Variants in TNPO3 observed in about 807,000 individuals in gnomAD.
The protein encoded by TNPO3 is transportin-3.
A neutral mutation model predicts 122.8 loss-of-function variants in TNPO3; 65 were observed. The observed-to-expected ratio is 0.53, with a 90% CI of 0.43 to 0.65. The LOEUF is 0.65. Among genes scored for constraint, TNPO3 ranks in the 30% least tolerant of loss-of-function variants. The probability of loss-of-function intolerance (pLI) is 0.00; values close to 1 mark genes in which losing one functional copy is unlikely to be tolerated. For missense variants in TNPO3, 850 were observed against 1,136.7 expected (o/e 0.75, Z 3.63); for synonymous variants, 372 against 411.2 (o/e 0.90, Z 1.15).
chr7:129,039,259 G>A (rs370653667), intron 1 of TNPO3, among the ~76,000 whole-genome samples: 2 of 152,216 alleles, frequency 1.3e-5, no homozygotes, highest in East Asian at 3.9e-4. Flanking sequence ...TTCCTTGAAA[G>A]GTTAAAAATA....
Position 128,982,252 on chromosome 7 carries a change from A to G in TNPO3, c.1855T>C (p.Phe619Leu), listed in dbSNP as rs1799698104. The G allele has an allele frequency of 6.2e-7, 1 of 1,612,698 alleles. No homozygotes were observed. The highest frequency in any genetic ancestry group is 8.5e-7 in the Non-Finnish European group (1 of 1,179,080). The part of the protein sequence containing the change: ...TVFLDRLAVI[F>L]RHTNPIVENG... ...ATCCAGAGTCTCCTTTCTTACCTAAATATCACTGCAAGGCGATCTAAGAAC... is the reference window on the plus strand; with the variant it reads ...ATCCAGAGTCTCCTTTCTTACCTAAGTATCACTGCAAGGCGATCTAAGAAC... The change falls in exon 14 of 23, where the codon TTT (phenylalanine) becomes CTT (leucine). Residue 619 changes from phenylalanine to leucine, a missense_variant. Transcript: ENST00000265388.
intron 18 of TNPO3, 51 bp downstream of exon 18, chr7:128,974,816 TA>T (rs1798892823): frequency 7.0e-7 from 1 of 1,422,520 alleles, no homozygotes; most frequent in Non-Finnish European, 9.9e-7. Flanking sequence ...ATGGCAAGAC[TA>T]AGCAGTGATA....
chr7:128,959,165 A>G (rs1485089298), intron 21 of TNPO3, among the ~76,000 whole-genome samples: 1 of 152,230 alleles, frequency 6.6e-6, no homozygotes, highest in Non-Finnish European at 1.5e-5. Flanking sequence ...ATGTGAGCCC[A>G]TATCACTCAT....
chr7:129,018,160 GA>G lies in TNPO3; in HGVS notation c.121-4del. ...TCTGAGATCTCCCATGCATGAACCTGAAAGCGTATTAGACAAAGATGTCTTA... is the reference window on the plus strand; with the variant it reads ...TCTGAGATCTCCCATGCATGAACCTGAAGCGTATTAGACAAAGATGTCTTA... On this transcript the variant is annotated splice_region_variant and splice_polypyrimidine_tract_variant and intron_variant, in intron 1 of 22. Coordinates refer to ENST00000265388, the MANE Select transcript of TNPO3 (RefSeq NM_012470.4). The G allele has an allele frequency of 4.3e-6, 7 of 1,613,966 alleles. No homozygotes were observed. Among genetic ancestry groups the G allele is most frequent in the Non-Finnish European group, 5.9e-6 (7 of 1,179,952 alleles).
At chr7:129,047,175 C>T (rs542107282) in intron 1 of TNPO3, among the ~76,000 whole-genome samples, 2 of 152,300 alleles carry the variant, frequency 1.3e-5, no homozygotes, top group South Asian at 4.1e-4. Context: ...TATTCAGTTT[C>T]CATACTGAAC....
At chr7:129,027,641 C>T (rs73463091) in intron 1 of TNPO3, among the ~76,000 whole-genome samples, 28 of 112,430 alleles carry the variant, frequency 2.5e-4, no homozygotes, top group African/African-American at 9.5e-4. Flanking sequence ...TTTTTAAAGA[C>T]ACCAAAGCTA....
chr7:129,046,753 T>C (rs1808100005), intron 1 of TNPO3, among the ~76,000 whole-genome samples: 1 of 152,182 alleles, frequency 6.6e-6, no homozygotes, highest in Non-Finnish European at 1.5e-5. Flanking sequence ...TTCACAATTA[T>C]GGCGGAAGAC....
At chr7:128,979,194 G>C in intron 15 of TNPO3, 71 bp from the exon 16 acceptor site, 1 of 1,575,372 alleles carries the variant, frequency 6.3e-7, no homozygotes, top group Non-Finnish European at 8.7e-7. Flanking sequence ...TGCTAAGTTG[G>C]TAACACCTCA....
At chr7:128,969,622 TTAA>T (rs1798260301) in intron 20 of TNPO3, among the ~76,000 whole-genome samples, 1 of 152,154 alleles carries the variant, frequency 6.6e-6, no homozygotes, top group Non-Finnish European at 1.5e-5. Context: ...TTAGATAGCT[TTAA>T]AAAAACAACT....
chr7:129,037,391 G>A (rs571369543), intron 1 of TNPO3, among the ~76,000 whole-genome samples: 2 of 152,258 alleles, frequency 1.3e-5, no homozygotes, highest in Admixed American at 6.5e-5. Context: ...GCTCATCTAC[G>A]ACAGGACAGA....
At chr7:128,984,728 T>C (rs1799973063) in intron 12 of TNPO3, among the ~76,000 whole-genome samples, 1 of 152,254 alleles carries the variant, frequency 6.6e-6, no homozygotes, top group Non-Finnish European at 1.5e-5. Flanking sequence ...TAACACTCTC[T>C]GTGAGGTTAT....
intron 16 of TNPO3, 59 bp from the exon 17 acceptor site, chr7:128,975,994 G>A: frequency 1.7e-6 from 2 of 1,193,342 alleles, no homozygotes; most frequent in South Asian, 1.2e-5. Flanking sequence ...ACCAACTTAC[G>A]AAGCTGTCTC....
At chr7:129,008,308 G>A (rs1426633419) in intron 4 of TNPO3, among the ~76,000 whole-genome samples, 1 of 151,938 alleles carries the variant, frequency 6.6e-6, no homozygotes, top group Non-Finnish European at 1.5e-5. Flanking sequence ...CTTGAGCCCA[G>A]GAGTTCTAGA....
chr7:128,970,415 T>C (rs1798343583), intron 19 of TNPO3, 100 bp from the exon 20 acceptor site: 4 of 905,580 alleles, frequency 4.4e-6, no homozygotes, highest in East Asian at 3.0e-5. Flanking sequence ...AATAGGAAAG[T>C]GTGTGTGTGT....
chr7:128,995,486 A>G (rs1801209764), intron 8 of TNPO3, among the ~76,000 whole-genome samples: 1 of 152,250 alleles, frequency 6.6e-6, no homozygotes, highest in Non-Finnish European at 1.5e-5. Context: ...AACGATGGCT[A>G]TCTCAGATGA....
rs754874514 is a variant in TNPO3 at position 128,993,864 on chromosome 7, T to C, written c.1209A>G (p.Val403=). 7.4e-6 allele frequency: 12 copies of C among 1,614,040 alleles called. No homozygotes were observed. Among genetic ancestry groups the C allele is most frequent in the Middle Eastern group, 3.3e-4 (2 of 6,084 alleles). Residue 403 remains valine (V), a synonymous_variant, in exon 9 of 23, where the codon GTA becomes GTG. Coordinates refer to ENST00000265388, the MANE Select transcript of TNPO3 (RefSeq NM_012470.4). ...TDDFGEFRMR[V]SDLVKDLIFL... ...AAATCAAGTCCTTTACCAGGTCTGATACCCTCATGCGAAACTCCCCAAAGT... is the reference window on the plus strand; with the variant it reads ...AAATCAAGTCCTTTACCAGGTCTGACACCCTCATGCGAAACTCCCCAAAGT...
intron 4 of TNPO3, among the ~76,000 whole-genome samples, chr7:129,009,021 T>C (rs1425784696): frequency 6.6e-6 from 1 of 152,222 alleles, no homozygotes; most frequent in Non-Finnish European, 1.5e-5. Context: ...CTAACAGTTA[T>C]CTTCTGTTCC....
rs367600317 is a variant in TNPO3 at position 128,975,939 on chromosome 7, T to C, written c.2062-4A>G. The C allele has an allele frequency of 1.2e-5, 19 of 1,601,120 alleles. No individual in the cohort carries two copies. The highest frequency in any genetic ancestry group is 1.6e-5 in the Non-Finnish European group (19 of 1,168,670). ...GTACGTGGTACACATTCACCATCTG[T>C]TGAGGGAAAAAACAATTAGTTCAAT... On this transcript the variant is annotated splice_polypyrimidine_tract_variant and splice_region_variant and intron_variant, in intron 16 of 22. Coordinates refer to ENST00000265388, the MANE Select transcript of TNPO3 (RefSeq NM_012470.4).
intron 19 of TNPO3, 103 bp from the exon 20 acceptor site, chr7:128,970,418 G>A: frequency 9.1e-7 from 1 of 1,101,052 alleles, no homozygotes. Context: ...AGGAAAGTGT[G>A]TGTGTGTGTG....
Sources: allele counts gnomAD v4.1 joint callset (sites outside exome capture counted in the v4.1 genomes callset), GRCh38; gene constraint gnomAD v4.1.1; transcripts MANE v1.5; gene names NCBI Gene and HGNC (gene_info 2026-07-23, HGNC 2026-07-21).